The following PROS1 variants were observed in gnomAD, a reference collection of about 807,000 sequenced individuals.
PROS1 encodes the protein vitamin K-dependent protein S.
In PROS1, 29 loss-of-function variants were observed where a neutral mutation model predicts 75.9. The observed-to-expected ratio is 0.38, with a 90% CI of 0.28 to 0.52. The LOEUF (loss-of-function observed/expected upper bound fraction) is 0.52, where lower values mean the gene tolerates loss of function less well. Ranked by LOEUF, PROS1 falls within the 20% of genes least tolerant of loss-of-function variation. The probability of loss-of-function intolerance (pLI) is 0.83; values close to 1 mark genes in which losing one functional copy is unlikely to be tolerated. For synonymous variants in PROS1, 245 were observed against 280.6 expected (o/e 0.87, Z 1.27); for missense variants, 680 against 810.3 (o/e 0.84, Z 1.95).
chr3:93,942,536 A>C (rs565898307), intron 1 of PROS1, among the ~76,000 whole-genome samples: 1 of 152,194 alleles, frequency 6.6e-6, no homozygotes, highest in Admixed American at 6.5e-5. Context: ...TAGTGTTCCA[A>C]CTTCTGTCCT....
At chr3:93,924,075 CAT>C (rs1708982878) in intron 3 of PROS1, among the ~76,000 whole-genome samples, 163 bp downstream of exon 3, 1 of 152,178 alleles carries the variant, frequency 6.6e-6, no homozygotes, top group South Asian at 2.1e-4. Context: ...AATTTCTCAA[CAT>C]GTGTTAAATA....
intron 4 of PROS1, among the ~76,000 whole-genome samples, chr3:93,910,044 A>C (rs1708737013): frequency 6.6e-6 from 1 of 152,194 alleles, no homozygotes; most frequent in Admixed American, 6.6e-5. Context: ...GAGAATTTCA[A>C]TCCTGGATGT....
At chr3:93,966,072 G>A (rs1709786001) in intron 1 of PROS1, among the ~76,000 whole-genome samples, 1 of 152,142 alleles carries the variant, frequency 6.6e-6, no homozygotes, top group Non-Finnish European at 1.5e-5. Flanking sequence ...ACGCCTCTCT[G>A]TGGTATACCA....
chr3:93,958,610 A>T (rs1709649055), intron 1 of PROS1: 1 of 152,288 alleles, frequency 6.6e-6, no homozygotes, highest in Admixed American at 6.5e-5. Flanking sequence ...AACTCCCATA[A>T]TTGCCACATG....
intron 10 of PROS1, among the ~76,000 whole-genome samples, chr3:93,887,064 G>A (rs1170476332): frequency 1.3e-5 from 2 of 151,176 alleles, no homozygotes; most frequent in African/African-American, 2.4e-5. Flanking sequence ...GACTACAGGC[G>A]CCCGCCACTG....
intron 1 of PROS1, among the ~76,000 whole-genome samples, chr3:93,965,097 G>A (rs1709767354): frequency 6.6e-6 from 1 of 152,210 alleles, no homozygotes; most frequent in South Asian, 2.1e-4. Flanking sequence ...AGCACAGCGG[G>A]AGGGACAAGG....
chr3:93,919,623 A>C (rs758602557), intron 3 of PROS1, among the ~76,000 whole-genome samples: 1 of 152,130 alleles, frequency 6.6e-6, no homozygotes, highest in Non-Finnish European at 1.5e-5. Context: ...AATCCAATTT[A>C]TTATTTCACC....
intron 1 of PROS1, among the ~76,000 whole-genome samples, chr3:93,933,689 C>G (rs1186112377): frequency 6.6e-6 from 1 of 152,056 alleles, no homozygotes; most frequent in East Asian, 1.9e-4. Context: ...TCTGGGAGGC[C>G]GAGGTGAGCT....
chr3:93,930,618 AG>A (rs1195448144), intron 1 of PROS1, among the ~76,000 whole-genome samples: 1 of 152,208 alleles, frequency 6.6e-6, no homozygotes, highest in East Asian at 1.9e-4. Flanking sequence ...AAGGGTACAA[AG>A]CAGGTGTAAT....
chr3:93,919,368 T>G (rs2107190668), intron 3 of PROS1, among the ~76,000 whole-genome samples: 1 of 152,266 alleles, frequency 6.6e-6, no homozygotes, highest in East Asian at 1.9e-4. Flanking sequence ...GGCAGCATAT[T>G]TTCATGTCAT....
intron 1 of PROS1, among the ~76,000 whole-genome samples, chr3:93,931,086 T>C (rs2107209152): frequency 6.6e-6 from 1 of 152,340 alleles, no homozygotes; most frequent in South Asian, 2.1e-4. Context: ...CATAACAATG[T>C]TCAAAGCACG....
chr3:93,921,804 A>T (rs1321462764), intron 3 of PROS1, among the ~76,000 whole-genome samples: 3 of 152,050 alleles, frequency 2.0e-5, no homozygotes, highest in Admixed American at 1.3e-4. Context: ...TTCCTGCCAG[A>T]TGTCAGTCTC....
rs1374176992 is a variant in PROS1, at chr3:93,900,909, T to C, written c.622A>G (p.Lys208Glu). The stretch of plus-strand genomic sequence containing the variant: ...ACAGCTGTGCCACAAATGCTTGGCT[T>C]CAAAGAGCATTCATCCACATCTATA... ...DCKDVDECSL[K>E]PSICGTAVCK... The change falls in exon 7 of 15, where the codon AAG becomes GAG. Residue 208 changes from lysine to glutamate, a missense_variant. Coordinates refer to ENST00000394236, the MANE Select transcript of PROS1 (RefSeq NM_000313.4). 3 of 1,613,974 alleles carry C rather than the reference T, an allele frequency of 1.9e-6. No individual in the cohort carries two copies. Among genetic ancestry groups the C allele is most frequent in the African/African-American group, 2.7e-5 (2 of 75,038 alleles).
intron 10 of PROS1, among the ~76,000 whole-genome samples, chr3:93,888,384 T>C (rs1420425710): frequency 1.3e-5 from 2 of 152,348 alleles, no homozygotes; most frequent in Admixed American, 1.3e-4. Context: ...TATATTGAAA[T>C]ACATATTATT....
intron 2 of PROS1, among the ~76,000 whole-genome samples, chr3:93,924,593 C>A: frequency 6.6e-6 from 1 of 151,420 alleles, no homozygotes; most frequent in South Asian, 2.1e-4. Flanking sequence ...ATTAGATAAC[C>A]ATTTGACACA....
Position 93,873,588 on chromosome 3 carries a change from C to T in PROS1, c.*657G>A, listed in dbSNP as rs2107118594. 6.6e-6 allele frequency: 1 copy of T among 152,608 alleles called. No individual in the cohort carries two copies. Among genetic ancestry groups the T allele is most frequent in the East Asian group, 1.9e-4 (1 of 5,188 alleles). The allele number at this position is 152,608 out of a possible 1,614,324, so 9.5% of individuals were successfully genotyped here. ...ACCTATCCAACCTAATCTGATATCT[C>T]ATCCTGACAGACTGCAGCTGCCAAG... On this transcript the variant is annotated 3_prime_UTR_variant, in exon 15 of 15. Coordinates refer to ENST00000394236, the MANE Select transcript of PROS1 (RefSeq NM_000313.4).
chr3:93,890,269 A>C (rs1471649580), intron 10 of PROS1, among the ~76,000 whole-genome samples: 1 of 152,192 alleles, frequency 6.6e-6, no homozygotes, highest in African/African-American at 2.4e-5. Flanking sequence ...ATGTTTATCA[A>C]GACAATACGT....
intron 1 of PROS1, among the ~76,000 whole-genome samples, chr3:93,963,695 G>T (rs1223000476): frequency 7.9e-6 from 1 of 126,584 alleles, no homozygotes; most frequent in Non-Finnish European, 1.8e-5. Context: ...ATGGGAGCGC[G>T]AGCTAGAAGG....
chr3:93,884,652 A>G (rs1374606709), intron 12 of PROS1, 76 bp downstream of exon 12: 1 of 1,460,174 alleles, frequency 6.8e-7, no homozygotes, highest in Non-Finnish European at 9.5e-7. Flanking sequence ...ATGTTTCACA[A>G]ATAAATTATT....
Sources: allele counts gnomAD v4.1 joint callset (sites outside exome capture counted in the v4.1 genomes callset), GRCh38; gene constraint gnomAD v4.1.1; transcripts MANE v1.5; gene names NCBI Gene and HGNC (gene_info 2026-07-23, HGNC 2026-07-21).